EFHD2: variants seen among roughly 807,000 people sequenced by gnomAD.
The protein encoded by EFHD2 is EF-hand domain family member D2.
EFHD2 carries 12 observed loss-of-function variants against 20.3 expected under a neutral mutation model. The observed-to-expected ratio is 0.59, with a 90% CI of 0.38 to 0.96. The LOEUF is 0.96. Among genes scored for constraint, EFHD2 ranks in the 40% least tolerant of loss-of-function variants. The pLI is 0.00. For synonymous variants in EFHD2, 131 were observed against 143.9 expected (o/e 0.91, Z 0.64); for missense variants, 250 against 334.3 (o/e 0.75, Z 1.97).
intron 1 of EFHD2, among the ~76,000 whole-genome samples, chr1:15,423,428 C>A (rs1707825648): frequency 6.6e-6 from 1 of 152,216 alleles, no homozygotes; most frequent in Non-Finnish European, 1.5e-5. Flanking sequence ...CAAATGCTCC[C>A]CTTGTGCTCC....
chr1:15,426,689 G>T lies in EFHD2; in HGVS notation c.457-461G>T, dbSNP rs1707876474. Among the ~76,000 whole-genome samples the T allele has an allele frequency of 6.6e-6, 1 of 152,124 alleles. No homozygotes were observed. The highest frequency in any genetic ancestry group is 1.5e-5 in the Non-Finnish European group (1 of 68,012). On this transcript the variant is annotated intron_variant, in intron 2 of 3. Transcript: ENST00000375980. This position sits in a 1 kb window ranked among gnomAD's most constrained non-coding sequence, Gnocchi z 4.6. ...TGGCTGGGCGGGAGGTGTGGGCAGT[G>T]CAGGGTAACAGCTTAGAGTTCGAGA...
chr1:15,424,241 C>G (rs1707837516), intron 1 of EFHD2, among the ~76,000 whole-genome samples: 1 of 152,066 alleles, frequency 6.6e-6, no homozygotes, highest in South Asian at 2.1e-4. Context: ...TCCCCAGCCC[C>G]CATCTTGTCT....
chr1:15,424,954 A>G (rs563977568), intron 1 of EFHD2, among the ~76,000 whole-genome samples: 34 of 152,292 alleles, frequency 2.2e-4, no homozygotes, highest in African/African-American at 6.3e-4. Flanking sequence ...ACATTCGACA[A>G]TGTCTGGGAG....
chr1:15,417,476 C>T (rs1318351099), intron 1 of EFHD2, among the ~76,000 whole-genome samples: 1 of 152,098 alleles, frequency 6.6e-6, no homozygotes, highest in East Asian at 1.9e-4. Context: ...GCCCTGACAG[C>T]CCCCCAGCAA....
intron 1 of EFHD2, 24 bp downstream of exon 1, chr1:15,410,303 C>T (rs892356141): frequency 1.7e-5 from 26 of 1,557,548 alleles, no homozygotes; most frequent in Non-Finnish European, 2.2e-5. Context: ...CGACCCGGCC[C>T]CCCGCCCGCC....
At chr1:15,428,488 CTT>C in intron 3 of EFHD2, 103 bp from the exon 4 acceptor site, 2 of 1,401,990 alleles carry the variant, frequency 1.4e-6, no homozygotes, top group Middle Eastern at 2.4e-4. Context: ...CAGAGCGAGA[CTT>C]TGTCTCAGAA....
intron 1 of EFHD2, among the ~76,000 whole-genome samples, chr1:15,410,881 C>T (rs2103268097): frequency 6.6e-6 from 1 of 152,202 alleles, no homozygotes; most frequent in South Asian, 2.1e-4. Context: ...GGGCAGGGAT[C>T]CCCCCAACTT....
In EFHD2 at chr1:15,426,739, T is replaced by G. The variant is rs1707877258; in HGVS notation, c.457-411T>G. 6.6e-6 allele frequency among the ~76,000 whole-genome samples: 1 copy of G among 152,078 alleles called. No homozygotes were observed. Among genetic ancestry groups the G allele is most frequent in the Non-Finnish European group, 1.5e-5 (1 of 67,998 alleles). The stretch of plus-strand genomic sequence containing the variant: ...AGCAGGGTTCCATCCCTCTGACACG[T>G]TCAGGCGCTGAGACTTGGGGTGTCT... On this transcript the variant is annotated intron_variant, in intron 2 of 3. Transcript: ENST00000375980. This position sits in a 1 kb window ranked among gnomAD's most constrained non-coding sequence, Gnocchi z 4.6.
At chr1:15,427,415 G>A (rs1373211540) in intron 3 of EFHD2, 131 bp downstream of exon 3, 3 of 1,448,250 alleles carry the variant, frequency 2.1e-6, no homozygotes, top group East Asian at 5.0e-5. Context: ...TCCCTGCCAG[G>A]CTGGGCCAGG....
Position 15,410,088 on chromosome 1 carries a change from G to A in EFHD2, c.117G>A (p.Gly39=), listed in dbSNP as rs1192867837. The part of the protein sequence containing the change: ...GLNGAAAAAA[G]APDEAAEALG... Reference sequence around the variant, plus strand: ...ACGGGGCAGCGGCGGCGGCGGCGGGGGCACCCGACGAGGCGGCCGAGGCGC... The same window carrying A: ...ACGGGGCAGCGGCGGCGGCGGCGGGAGCACCCGACGAGGCGGCCGAGGCGC... Residue 39 remains glycine, a synonymous_variant, in exon 1 of 4, where the codon GGG becomes GGA. Transcript: ENST00000375980. 1.4e-6 allele frequency: 2 copies of A among 1,421,140 alleles called. No homozygotes were observed. The highest frequency in any genetic ancestry group is 1.5e-5 in the African/African-American group (1 of 65,778). 88.0% of individuals were successfully genotyped at this position (1,421,140 alleles called of 1,614,324 possible).
In EFHD2 at chr1:15,427,194, G is replaced by A. The variant is rs1200345795; in HGVS notation, c.501G>A (p.Glu167=). 17 of 1,608,018 alleles carry A rather than the reference G, an allele frequency of 1.1e-5. No individual in the cohort carries two copies. The highest frequency in any genetic ancestry group is 3.3e-4 in the Middle Eastern group (2 of 6,058). Residue 167 remains glutamate, a synonymous_variant, in exon 3 of 4, where the codon GAG becomes GAA. Transcript: ENST00000375980. ...AGGCGGCGGCCGGGGAGCTTCAGGA[G>A]GACAGCGGGCTGTGCGTGCTGGCCC... is the stretch of plus-strand genomic sequence containing the variant. ...FRKAAAGELQ[E]DSGLCVLARL... is the part of the protein sequence containing the mutation.
chr1:15,418,895 C>T (rs1012960516), intron 1 of EFHD2, among the ~76,000 whole-genome samples: 2 of 152,246 alleles, frequency 1.3e-5, no homozygotes, highest in Non-Finnish European at 2.9e-5. Context: ...AAGTCGCTTC[C>T]CCTCTGAGCC....
rs372517618 is a variant in EFHD2 at position 15,428,923 on chromosome 1, C to T, written c.*199C>T. On this transcript the variant is annotated 3_prime_UTR_variant, in exon 4 of 4. Coordinates refer to ENST00000375980, the MANE Select transcript of EFHD2 (RefSeq NM_024329.6). ...CGCTCCCTTCCACTCTGCACGAGGC[C>T]GCCACACCGGCGCTGGCTCCCTGCC... The T allele has an allele frequency of 3.2e-4, 246 of 770,546 alleles. 2 individuals are homozygous for T. The highest frequency in any genetic ancestry group is 2.7e-3 in the South Asian group (147 of 54,224). 47.7% of individuals were successfully genotyped at this position (770,546 alleles called of 1,614,324 possible).
At chr1:15,412,272 C>G (rs1046911102) in intron 1 of EFHD2, among the ~76,000 whole-genome samples, 1 of 151,972 alleles carries the variant, frequency 6.6e-6, no homozygotes, top group African/African-American at 2.4e-5. Flanking sequence ...TGTCACTGCC[C>G]CCATCGGGCA....
At position 15,426,168 on chromosome 1, in the gene EFHD2, G is replaced by A; in HGVS notation, c.456+150G>A. The A allele has an allele frequency of 2.5e-6, 2 of 812,288 alleles. No individual in the cohort carries two copies. Among genetic ancestry groups the A allele is most frequent in the South Asian group, 4.6e-5 (2 of 43,312 alleles). 50.3% of individuals were successfully genotyped at this position (812,288 alleles called of 1,614,324 possible). On this transcript the variant is annotated intron_variant, in intron 2 of 3. Transcript: ENST00000375980. The surrounding 1 kb of genome is among the most constrained non-coding windows in gnomAD (Gnocchi z 4.6). ...GAGCAGCTGCTGCTTGGCTGAGTGA[G>A]GCTTCAGAGGGCCTGTTACAGCAGG...
rs1449667915 is a variant in EFHD2 at position 15,413,194 on chromosome 1, G to A, written c.308+2915G>A. On this transcript the variant is annotated intron_variant, in intron 1 of 3. Transcript: ENST00000375980. The surrounding 1 kb of genome is among the most constrained non-coding windows in gnomAD (Gnocchi z 4.4). ...CAGGGCATCAGAGCCAGGGCTCTGG[G>A]GAGAGCAGAGGGCAGAGAGGAGGGG... 1.3e-5 allele frequency among the ~76,000 whole-genome samples: 2 copies of A among 152,168 alleles called. No homozygotes were observed. Among genetic ancestry groups the A allele is most frequent in the Admixed American group, 1.3e-4 (2 of 15,286 alleles).
intron 1 of EFHD2, among the ~76,000 whole-genome samples, chr1:15,415,666 T>A (rs1432503670): frequency 6.6e-6 from 1 of 151,972 alleles, no homozygotes; most frequent in African/African-American, 2.4e-5. Context: ...TTTTTGTATT[T>A]TTGAGTAGAG....
intron 1 of EFHD2, among the ~76,000 whole-genome samples, chr1:15,420,017 A>G (rs2103275683): frequency 6.6e-6 from 1 of 152,206 alleles, no homozygotes; most frequent in Admixed American, 6.5e-5. Flanking sequence ...GTGGGCCTTT[A>G]GAGGAGAGGT....
chr1:15,427,433 G>A (rs749789173), intron 3 of EFHD2, 149 bp downstream of exon 3: 50 of 1,406,478 alleles, frequency 3.6e-5, no homozygotes, highest in South Asian at 4.5e-5. Flanking sequence ...AGGCCCACAC[G>A]CTCTGTCTTC....
Sources: gnomAD v4.1 joint callset for allele counts (sites outside exome capture counted in the v4.1 genomes callset) on GRCh38, gnomAD v4.1.1 for gene constraint, Gnocchi (gnomAD v3.1) non-coding constraint, MANE v1.5 for transcripts, NCBI Gene and HGNC (gene_info 2026-07-23, HGNC 2026-07-21) for gene names.